The following VPS13B variants were observed in gnomAD, a reference collection of about 807,000 sequenced individuals.
VPS13B encodes the protein intermembrane lipid transfer protein VPS13B.
A neutral mutation model predicts 426.4 loss-of-function variants in VPS13B; 285 were observed. The observed-to-expected ratio is 0.67, with a 90% CI of 0.61 to 0.74. VPS13B has a LOEUF of 0.74. VPS13B is among the 30% of genes least tolerant of loss of function. The pLI is 0.00. For missense variants in VPS13B, 4,537 were observed against 4,782.6 expected, an observed-to-expected ratio of 0.95 and a Z score of 1.51; for synonymous variants, 1,676 against 1,676.4, an observed-to-expected ratio of 1.00 and a Z score of 0.01.
intron 33 of VPS13B, among the ~76,000 whole-genome samples, chr8:99,586,746 T>G (rs1375352865): frequency 6.6e-6 from 1 of 152,148 alleles, no homozygotes; most frequent in Non-Finnish European, 1.5e-5. Context: ...ATTGTGAAAG[T>G]GGCCATACTG....
chr8:99,474,007 G>A (rs1304511530), intron 24 of VPS13B, among the ~76,000 whole-genome samples: 1 of 152,088 alleles, frequency 6.6e-6, no homozygotes, highest in Non-Finnish European at 1.5e-5. Context: ...AAGAAGTAAA[G>A]AGATATATCT....
At chr8:99,209,755 A>G (rs1463159999) in intron 17 of VPS13B, 65 of 952,080 alleles carry the variant, frequency 6.8e-5, no homozygotes, top group Non-Finnish European at 8.0e-5. Flanking sequence ...TGTATAGTCA[A>G]AATGGCTCAC....
chr8:99,394,675 A>G (rs1398143201), intron 21 of VPS13B, among the ~76,000 whole-genome samples: 1 of 152,206 alleles, frequency 6.6e-6, no homozygotes, highest in Non-Finnish European at 1.5e-5. Flanking sequence ...GGAATTCTTG[A>G]TGAAAATGTC....
chr8:99,520,389 T>TTG (rs140216567), intron 29 of VPS13B, among the ~76,000 whole-genome samples: 59,942 of 138,364 alleles, frequency 0.43, 12,720 homozygotes, highest in South Asian at 0.47. Flanking sequence ...GTGATATACT[T>TTG]TGTGTGTGTG....
chr8:99,427,624 A>G lies in VPS13B; in HGVS notation c.3083-3913A>G, dbSNP rs372720296. On this transcript the variant is annotated intron_variant, in intron 21 of 61. Transcript: ENST00000357162. ...AAGGAGAACTACAAACCACTGCTCA[A>G]TGAAATAAAAGAGGATACAAACAAA... is the stretch of plus-strand genomic sequence containing the variant. Among the ~76,000 whole-genome samples the G allele has an allele frequency of 2.3e-4, 35 of 152,218 alleles. No homozygotes were observed. In the East Asian group the frequency reaches 6.2e-3, roughly 27 times the overall value.
chr8:99,462,836 T>C (rs959074517), intron 23 of VPS13B, among the ~76,000 whole-genome samples: 34 of 152,172 alleles, frequency 2.2e-4, no homozygotes, highest in African/African-American at 7.7e-4. Flanking sequence ...CTCTTGGTCG[T>C]GTGAGAACAT....
Position 99,835,258 on chromosome 8 carries a change from C to T in VPS13B, c.9676C>T (p.Pro3226Ser). ...GACTTATTTAACCCTCTCAGAAGAC[C>T]CTAGTCCTCGAGTAATTATCCACAA... is the stretch of plus-strand genomic sequence containing the variant. ...GVTYLTLSEDPSPRVIIHNRC... is the reference protein window; with the variant it reads ...GVTYLTLSEDSSPRVIIHNRC... Residue 3226 changes from proline (P) to serine (S), a missense_variant, in exon 53 of 62, where the codon CCT (proline) becomes TCT (serine). Physicochemically the swap from Pro to Ser is moderately conservative, Grantham distance 74. This residue lies in a region of VPS13B where 4,311 missense variants were observed against 4,474.3 expected (regional missense o/e 0.96). Transcript: ENST00000357162. The T allele has an allele frequency of 1.2e-6, 2 of 1,613,828 alleles. No individual in the cohort carries two copies. Among genetic ancestry groups the T allele is most frequent in the Non-Finnish European group, 1.7e-6 (2 of 1,179,872 alleles).
At chr8:99,868,608 T>A in intron 59 of VPS13B, 143 bp downstream of exon 59, 1 of 993,838 alleles carries the variant, frequency 1.0e-6, no homozygotes, top group Non-Finnish European at 1.5e-6. Context: ...TTACACAGAG[T>A]AGAATTTTAC....
intron 19 of VPS13B, among the ~76,000 whole-genome samples, chr8:99,334,902 T>A (rs1810741373): frequency 6.6e-6 from 1 of 152,162 alleles, no homozygotes; most frequent in Non-Finnish European, 1.5e-5. Context: ...TCCCTCTTTT[T>A]CTGTTGATTG....
intron 21 of VPS13B, among the ~76,000 whole-genome samples, chr8:99,407,356 C>A (rs1042053675): frequency 8.5e-5 from 13 of 152,094 alleles, no homozygotes. Context: ...ATAATAGCTT[C>A]TTTTTCATAG....
chr8:99,407,610 C>T (rs1365451106), intron 21 of VPS13B, among the ~76,000 whole-genome samples: 13 of 150,274 alleles, frequency 8.7e-5, no homozygotes, highest in Non-Finnish European at 1.9e-4. Flanking sequence ...AAGAGGCCAG[C>T]ATTTTCCTTT....
intron 33 of VPS13B, 105 bp downstream of exon 33, chr8:99,577,738 G>A (rs1825844831): frequency 1.4e-6 from 2 of 1,399,718 alleles, no homozygotes; most frequent in African/African-American, 1.4e-5. Flanking sequence ...TAATTATTCT[G>A]TGTTTAACTT....
chr8:99,143,596 A>G (rs942622434), intron 13 of VPS13B, among the ~76,000 whole-genome samples: 7 of 152,196 alleles, frequency 4.6e-5, no homozygotes, highest in African/African-American at 1.7e-4. Context: ...AGATAGCTAT[A>G]GTTGTCATAG....
chr8:99,575,933 C>G, intron 32 of VPS13B, 149 bp downstream of exon 32: 2 of 751,598 alleles, frequency 2.7e-6, no homozygotes, highest in Non-Finnish European at 2.2e-6. Context: ...TTATGGAGCA[C>G]TTTGTAGTAC....
rs1183514665 is a variant in VPS13B, at chr8:99,261,970, A to G, written c.2516-12228A>G. On this transcript the variant is annotated intron_variant, in intron 17 of 61. Coordinates refer to ENST00000357162, the MANE Select transcript of VPS13B (RefSeq NM_152564.5). The stretch of plus-strand genomic sequence containing the variant: ...GTGAAGCTGAACTTTTACTTGTCAG[A>G]TGTTTATTTGCCATTGCTGTTTAAA... Among the ~76,000 whole-genome samples the G allele has an allele frequency of 3.9e-5, 6 of 152,282 alleles. No individual in the cohort carries two copies. In the South Asian group the frequency reaches 1.2e-3, roughly 32 times the overall value.
chr8:99,097,307 A>G (rs549701887), intron 4 of VPS13B, among the ~76,000 whole-genome samples: 5 of 152,326 alleles, frequency 3.3e-5, no homozygotes, highest in African/African-American at 1.2e-4. Flanking sequence ...AGAAAACGTG[A>G]TCATTAGAGA....
chr8:99,828,292 A>G (rs1270653079), intron 51 of VPS13B, among the ~76,000 whole-genome samples: 1 of 150,650 alleles, frequency 6.6e-6, no homozygotes, highest in Non-Finnish European at 1.5e-5. Context: ...AGTTAGCTCT[A>G]CTTACATTGA....
chr8:99,358,512 GAGA>G (rs2133228992), intron 19 of VPS13B, among the ~76,000 whole-genome samples: 1 of 152,254 alleles, frequency 6.6e-6, no homozygotes, highest in Admixed American at 6.5e-5. Flanking sequence ...GTAACCATAT[GAGA>G]AGAATGTCAA....
chr8:99,653,207 T>G (rs117283188), intron 34 of VPS13B, among the ~76,000 whole-genome samples: 233 of 152,304 alleles, frequency 1.5e-3, no homozygotes, highest in Non-Finnish European at 2.9e-3. Context: ...TATGAAACAT[T>G]ATTCAAACAT....
Sources: gnomAD v4.1 joint callset for allele counts (sites outside exome capture counted in the v4.1 genomes callset) on GRCh38, gnomAD v4.1.1 for gene constraint, gnomAD v4.1.1 regional missense constraint, MANE v1.5 for transcripts, NCBI Gene and HGNC (gene_info 2026-07-23, HGNC 2026-07-21) for gene names.